PTPRD: variants seen among roughly 807,000 people sequenced by gnomAD.
PTPRD encodes protein tyrosine phosphatase receptor type D, also known as receptor-type tyrosine-protein phosphatase delta.
PTPRD carries 34 observed loss-of-function variants against 214.5 expected under a neutral mutation model. The ratio of observed to expected loss-of-function variants is 0.16; its 90% CI spans 0.12 to 0.21. The LOEUF (loss-of-function observed/expected upper bound fraction) is 0.21, where lower values mean the gene tolerates loss of function less well. PTPRD is among the 10% of genes least tolerant of loss of function. The pLI, the probability that PTPRD is intolerant of heterozygous loss-of-function variation, is 1.00. For missense variants in PTPRD, 2,545 were observed against 2,398.7 expected (o/e 1.06, Z -1.27); for synonymous variants, 1,128 against 845.7 (o/e 1.33, Z -5.79).
At chr9:10,355,727 C>T (rs1463770157) in intron 2 of PTPRD, among the ~76,000 whole-genome samples, 4 of 152,128 alleles carry the variant, frequency 2.6e-5, no homozygotes, top group African/African-American at 9.7e-5. Context: ...ATCCGCCCAC[C>T]TCGGCCTCCC....
chr9:8,792,156 G>A (rs978688060), intron 11 of PTPRD, among the ~76,000 whole-genome samples: 4 of 152,140 alleles, frequency 2.6e-5, no homozygotes, highest in African/African-American at 9.7e-5. Context: ...AGATTGAGGG[G>A]ATAATGCATT....
At chr9:8,828,357 T>C (rs1003617855) in intron 11 of PTPRD, among the ~76,000 whole-genome samples, 18 of 152,164 alleles carry the variant, frequency 1.2e-4, no homozygotes, top group African/African-American at 4.3e-4. Flanking sequence ...AGTGCTCTTA[T>C]AAGAAGAAAC....
At chr9:9,302,601 C>CTTTTTTTTTTTTTTTTTTTTTTT (rs3047853) in intron 9 of PTPRD, among the ~76,000 whole-genome samples, 45 of 111,870 alleles carry the variant, frequency 4.0e-4, no homozygotes, top group East Asian at 8.2e-4. Flanking sequence ...TTTTTTTTTT[C>CTTTTTTTTTTTTTTTTTTTTTTT]TTTTTTTTTT....
intron 9 of PTPRD, among the ~76,000 whole-genome samples, chr9:9,236,183 G>A (rs907481064): frequency 1.3e-5 from 2 of 152,070 alleles, no homozygotes; most frequent in Admixed American, 6.6e-5. Flanking sequence ...AATCCAGGAG[G>A]TGGAGGCTGC....
At chr9:10,336,945 A>G (rs2096854708) in intron 3 of PTPRD, among the ~76,000 whole-genome samples, 1 of 151,686 alleles carries the variant, frequency 6.6e-6, no homozygotes, top group Non-Finnish European at 1.5e-5. Flanking sequence ...ATAGCCCAGG[A>G]AATTCTGAAT....
chr9:8,454,633 T>C, intron 33 of PTPRD: 1 of 1,608,152 alleles, frequency 6.2e-7, no homozygotes, highest in Non-Finnish European at 8.5e-7. Context: ...AAAGAAAGGC[T>C]AAATGTTAGT....
intron 7 of PTPRD, among the ~76,000 whole-genome samples, chr9:9,684,435 A>T (rs1342098376): frequency 6.6e-6 from 1 of 151,672 alleles, no homozygotes; most frequent in Non-Finnish European, 1.5e-5. Context: ...CTCTAAAAAC[A>T]TCTAACACCT....
At chr9:10,162,819 A>G (rs914225666) in intron 3 of PTPRD, among the ~76,000 whole-genome samples, 3 of 149,766 alleles carry the variant, frequency 2.0e-5, no homozygotes, top group South Asian at 4.2e-4. Flanking sequence ...TTACTTTATT[A>G]AGCTATGTTA....
At chr9:9,670,774 G>A (rs1303495072) in intron 7 of PTPRD, among the ~76,000 whole-genome samples, 5 of 152,220 alleles carry the variant, frequency 3.3e-5, no homozygotes, top group Non-Finnish European at 7.3e-5. Flanking sequence ...CGGGTGCACA[G>A]AAGTCAAGAA....
At chr9:8,754,323 T>C (rs1199253958) in intron 11 of PTPRD, among the ~76,000 whole-genome samples, 1 of 151,930 alleles carries the variant, frequency 6.6e-6, no homozygotes, top group Non-Finnish European at 1.5e-5. Flanking sequence ...GAAAAACAAA[T>C]GGTAAAGAAT....
At chr9:8,395,589 T>C (rs1318376796) in intron 36 of PTPRD, among the ~76,000 whole-genome samples, 2 of 152,098 alleles carry the variant, frequency 1.3e-5, no homozygotes, top group Non-Finnish European at 2.9e-5. Context: ...GGGTATCCCC[T>C]GGTATAGCTG....
intron 9 of PTPRD, among the ~76,000 whole-genome samples, chr9:9,330,299 A>G (rs543654565): frequency 7.7e-4 from 117 of 152,242 alleles, no homozygotes; most frequent in African/African-American, 2.7e-3. Flanking sequence ...TCCTTTAAAA[A>G]AAAGTTAAAT....
At chr9:8,415,196 A>G (rs2093842257) in intron 35 of PTPRD, among the ~76,000 whole-genome samples, 1 of 152,206 alleles carries the variant, frequency 6.6e-6, no homozygotes, top group African/African-American at 2.4e-5. Context: ...GGTGCTGCAC[A>G]CAAGAGAGAA....
intron 3 of PTPRD, among the ~76,000 whole-genome samples, chr9:10,157,026 T>C (rs1445311303): frequency 6.6e-6 from 1 of 152,234 alleles, no homozygotes; most frequent in Non-Finnish European, 1.5e-5. Context: ...TGAGTGTCAC[T>C]GGCTTTGAGA....
At chr9:8,800,967 T>G (rs578235599) in intron 11 of PTPRD, among the ~76,000 whole-genome samples, 96 of 152,336 alleles carry the variant, frequency 6.3e-4, no homozygotes, top group Non-Finnish European at 9.7e-4. Flanking sequence ...GATTTGAACA[T>G]CAATGCTATG....
At chr9:10,278,126 A>G (rs1198342101) in intron 3 of PTPRD, among the ~76,000 whole-genome samples, 2 of 150,848 alleles carry the variant, frequency 1.3e-5, no homozygotes, top group African/African-American at 2.4e-5. Flanking sequence ...ACTGCACTCC[A>G]GCCTGGGCGA....
chr9:8,461,787 T>C (rs759292144), intron 32 of PTPRD, among the ~76,000 whole-genome samples: 4 of 152,142 alleles, frequency 2.6e-5, no homozygotes, highest in Non-Finnish European at 4.4e-5. Flanking sequence ...TATCTCTGAC[T>C]CCATCCTATA....
chr9:8,949,646 T>G (rs931824514), intron 11 of PTPRD, among the ~76,000 whole-genome samples: 1 of 152,172 alleles, frequency 6.6e-6, no homozygotes, highest in Non-Finnish European at 1.5e-5. Flanking sequence ...GGTTTGGTTC[T>G]CATTATGACA....
At chr9:10,180,396 C>T (rs752832591) in intron 3 of PTPRD, among the ~76,000 whole-genome samples, 3 of 151,820 alleles carry the variant, frequency 2.0e-5, no homozygotes, top group Non-Finnish European at 4.4e-5. Flanking sequence ...CTACTCTTCC[C>T]CTTGTTCAGT....
Sources: allele counts gnomAD v4.1 joint callset (sites outside exome capture counted in the v4.1 genomes callset), GRCh38; gene constraint gnomAD v4.1.1; transcripts MANE v1.5; gene names NCBI Gene and HGNC (gene_info 2026-07-23, HGNC 2026-07-21).